Variants in MYO3B observed in about 807,000 individuals in gnomAD.
MYO3B encodes myosin-IIIb.
A neutral mutation model predicts 174.6 loss-of-function variants in MYO3B; 156 were observed. The ratio of observed to expected loss-of-function variants is 0.89; its 90% CI spans 0.78 to 1.02. The LOEUF (loss-of-function observed/expected upper bound fraction) is 1.02. Ranked by LOEUF, MYO3B falls within the 50% of genes least tolerant of loss-of-function variation. MYO3B has a pLI of 0.00. For missense variants in MYO3B, 1,632 were observed against 1,639.4 expected (o/e 1.00, Z 0.08); for synonymous variants, 563 against 569.1 (o/e 0.99, Z 0.15).
At chr2:170,538,232 G>A (rs1416062920) in intron 30 of MYO3B, among the ~76,000 whole-genome samples, 1 of 152,176 alleles carries the variant, frequency 6.6e-6, no homozygotes, top group African/African-American at 2.4e-5. Context: ...TAATTCTAAT[G>A]TGTAATTTAG....
chr2:170,624,904 C>T (rs545503276), intron 32 of MYO3B, among the ~76,000 whole-genome samples: 1 of 152,208 alleles, frequency 6.6e-6, no homozygotes, highest in East Asian at 1.9e-4. Context: ...CCTTGCATCC[C>T]AGGAATGAAG....
intron 6 of MYO3B, among the ~76,000 whole-genome samples, chr2:170,221,748 T>TA (rs150131813): frequency 0.35 from 52,368 of 151,618 alleles, 10,870 homozygotes; most frequent in Admixed American, 0.5. Context: ...AATTTTTTTT[T>TA]AAAAGATGGG....
intron 32 of MYO3B, among the ~76,000 whole-genome samples, chr2:170,632,909 T>A (rs2080314): frequency 0.71 from 107,359 of 151,614 alleles, 38,557 homozygotes; most frequent in African/African-American, 0.82. Context: ...TCCTCGACAC[T>A]TATACCCTCC....
intron 32 of MYO3B, among the ~76,000 whole-genome samples, chr2:170,588,279 GA>G (rs375439497): frequency 7.0e-4 from 104 of 149,086 alleles, no homozygotes; most frequent in African/African-American, 1.0e-3. Flanking sequence ...ACAAAAAAAA[GA>G]AAAAAAAAAT....
At chr2:170,455,026 C>T (rs921342810) in intron 23 of MYO3B, among the ~76,000 whole-genome samples, 3 of 152,066 alleles carry the variant, frequency 2.0e-5, no homozygotes, top group African/African-American at 7.2e-5. Context: ...CATCGAGTGC[C>T]GGGTCTGTAA....
intron 32 of MYO3B, among the ~76,000 whole-genome samples, chr2:170,649,466 A>AT (rs112249026): frequency 0.13 from 16,923 of 131,468 alleles, 1,399 homozygotes; most frequent in African/African-American, 0.2. Context: ...TATAATACAT[A>AT]TTTTTTTCAT....
chr2:170,185,702 G>T (rs762581284), intron 1 of MYO3B, among the ~76,000 whole-genome samples: 14 of 152,044 alleles, frequency 9.2e-5, no homozygotes, highest in Non-Finnish European at 1.8e-4. Context: ...ATTTTGATAG[G>T]GAATGCATTG....
chr2:170,383,241 C>A, intron 11 of MYO3B, 52 bp downstream of exon 11: 1 of 1,114,320 alleles, frequency 9.0e-7, no homozygotes, highest in Non-Finnish European at 1.4e-6. Context: ...TTAAAACTCA[C>A]AAGGGCAAAT....
intron 8 of MYO3B, among the ~76,000 whole-genome samples, chr2:170,362,996 G>A (rs1222193818): frequency 6.6e-6 from 1 of 152,104 alleles, no homozygotes; most frequent in Admixed American, 6.6e-5. Context: ...GTATCCTCTG[G>A]AGGATTTTCT....
At chr2:170,198,898 C>T (rs2092630111) in intron 1 of MYO3B, among the ~76,000 whole-genome samples, 1 of 152,166 alleles carries the variant, frequency 6.6e-6, no homozygotes, top group African/African-American at 2.4e-5. Context: ...CCTATCAAGA[C>T]AACTGTCCAA....
intron 3 of MYO3B, 44 bp from the exon 4 acceptor site, chr2:170,214,335 A>T (rs756441164): frequency 2.7e-6 from 4 of 1,486,828 alleles, no homozygotes; most frequent in Non-Finnish European, 3.7e-6. Context: ...TCTTTTTCAC[A>T]TGTGGTCTCC....
intron 32 of MYO3B, among the ~76,000 whole-genome samples, chr2:170,557,141 T>TA (rs1491478325): frequency 1.6e-5 from 1 of 63,524 alleles, no homozygotes; most frequent in East Asian, 2.4e-4. Flanking sequence ...TTTTTATTTT[T>TA]ATTTTTATTT....
chr2:170,317,727 T>C (rs1000004092), intron 7 of MYO3B, among the ~76,000 whole-genome samples: 1 of 152,168 alleles, frequency 6.6e-6, no homozygotes, highest in Admixed American at 6.5e-5. Flanking sequence ...GGCAGCTTAC[T>C]ATAGGGTAGT....
At position 170,654,755 on chromosome 2, in the gene MYO3B, C is replaced by A. The variant is rs898464464; in HGVS notation, c.*1634C>A. ...TTGTTATCAGAGTTTTGAAAGGGAG[C>A]ACATTAATAGGCCTTTTATGAAGAT... On this transcript the variant is annotated 3_prime_UTR_variant, in exon 35 of 35. Transcript: ENST00000408978. The A allele has an allele frequency of 6.7e-6, 1 of 149,696 alleles. No homozygotes were observed. The highest frequency in any genetic ancestry group is 1.5e-5 in the Non-Finnish European group (1 of 67,732). 9.3% of individuals were successfully genotyped at this position (149,696 alleles called of 1,614,324 possible).
intron 7 of MYO3B, among the ~76,000 whole-genome samples, chr2:170,308,809 GTCAC>G (rs369290718): frequency 3.9e-5 from 6 of 152,184 alleles, no homozygotes; most frequent in African/African-American, 1.4e-4. Flanking sequence ...ATCAAAGCCA[GTCAC>G]TCATGGAAAA....
chr2:170,217,579 A>G (rs2092844736), intron 6 of MYO3B, among the ~76,000 whole-genome samples, 184 bp downstream of exon 6: 1 of 152,214 alleles, frequency 6.6e-6, no homozygotes, highest in African/African-American at 2.4e-5. Context: ...GAAAAGCAAG[A>G]TTAAGTTATA....
Position 170,472,846 on chromosome 2 carries a change from G to A in MYO3B, c.3014+6135G>A, listed in dbSNP as rs116569174. Among the ~76,000 whole-genome samples, 439 of 151,642 alleles carry A rather than the reference G, an allele frequency of 2.9e-3. 1 individual carries two copies. The highest frequency in any genetic ancestry group is 8.8e-3 in the South Asian group (42 of 4,750). The stretch of plus-strand genomic sequence containing the variant: ...CCTCCCAAGTAGCTGGGCCACAGGC[G>A]TGCACCACCATGCCTGGCTTATTTT... On this transcript the variant is annotated intron_variant, in intron 25 of 34. Transcript: ENST00000408978.
chr2:170,248,301 C>T (rs1009465040), intron 7 of MYO3B, among the ~76,000 whole-genome samples: 2 of 152,178 alleles, frequency 1.3e-5, no homozygotes, highest in African/African-American at 4.8e-5. Context: ...CTCCAAGTCA[C>T]AGGGATCCTA....
At chr2:170,341,649 A>C (rs933050582) in intron 8 of MYO3B, among the ~76,000 whole-genome samples, 4 of 152,148 alleles carry the variant, frequency 2.6e-5, no homozygotes, top group Middle Eastern at 3.2e-3. Context: ...AATTAACACA[A>C]AAAATAAGTT....
Sources: gnomAD v4.1 joint callset for allele counts (sites outside exome capture counted in the v4.1 genomes callset) on GRCh38, gnomAD v4.1.1 for gene constraint, MANE v1.5 for transcripts, NCBI Gene and HGNC (gene_info 2026-07-23, HGNC 2026-07-21) for gene names.